PLCB4: variants seen among roughly 807,000 people sequenced by gnomAD.
The protein encoded by PLCB4 is phospholipase C beta 4.
In PLCB4, 77 loss-of-function variants were observed where a neutral mutation model predicts 178.8. The observed-to-expected ratio is 0.43, with a 90% CI of 0.36 to 0.52. The LOEUF (loss-of-function observed/expected upper bound fraction) is 0.52. Ranked by LOEUF, PLCB4 falls within the 20% of genes least tolerant of loss-of-function variation. PLCB4 has a pLI of 0.00. For missense variants in PLCB4, 1,024 were observed against 1,453.4 expected, an observed-to-expected ratio of 0.70 and a Z score of 4.80; for synonymous variants, 496 against 490.8, an observed-to-expected ratio of 1.01 and a Z score of -0.14.
rs1210869938 is a variant in PLCB4 at position 9,393,616 on chromosome 20, C to T, written c.1352C>T (p.Pro451Leu). The T allele has an allele frequency of 7.4e-6, 12 of 1,613,142 alleles. No individual in the cohort carries two copies. The highest frequency in any genetic ancestry group is 1.0e-5 in the Non-Finnish European group (12 of 1,179,352). Residue 451 changes from proline (P) to leucine (L), a missense_variant, in exon 18 of 40, where the codon CCC becomes CTC. By Grantham distance (98) the Pro-to-Leu change is moderately conservative (BLOSUM62 -3). Transcript: ENST00000378473. ...PLEPGRALPSPNDLKRKILIK... is the reference protein window; with the variant it reads ...PLEPGRALPSLNDLKRKILIK... The stretch of plus-strand genomic sequence containing the variant: ...GAACCAGGCAGGGCTTTGCCATCCC[C>T]CAATGACCTCAAAAGAAAAATACTC...
At chr20:9,234,988 G>A (rs1043328299) in intron 3 of PLCB4, among the ~76,000 whole-genome samples, 2 of 152,164 alleles carry the variant, frequency 1.3e-5, no homozygotes, top group African/African-American at 4.8e-5. Context: ...AGAGAATGAA[G>A]TGTAACCATG....
chr20:9,227,532 C>T (rs763208298), intron 3 of PLCB4, among the ~76,000 whole-genome samples: 5 of 152,080 alleles, frequency 3.3e-5, no homozygotes, highest in Non-Finnish European at 7.4e-5. Flanking sequence ...TTCATTAATT[C>T]GCATGTAGAT....
At chr20:9,463,302 C>T (rs1375273496) in intron 35 of PLCB4, among the ~76,000 whole-genome samples, 1 of 152,146 alleles carries the variant, frequency 6.6e-6, no homozygotes. Flanking sequence ...GTACCAGCCA[C>T]TGCAAAAACA....
At chr20:9,345,487 TG>T (rs2033705114) in intron 7 of PLCB4, among the ~76,000 whole-genome samples, 1 of 152,180 alleles carries the variant, frequency 6.6e-6, no homozygotes, top group Admixed American at 6.5e-5. Context: ...AAGTTACAGC[TG>T]GCACTGCACA....
chr20:9,414,482 T>G (rs1485473134), intron 25 of PLCB4, among the ~76,000 whole-genome samples: 1 of 152,234 alleles, frequency 6.6e-6, no homozygotes, highest in East Asian at 1.9e-4. Flanking sequence ...TTTTAAAAAC[T>G]GCCCCTTTGG....
intron 4 of PLCB4, among the ~76,000 whole-genome samples, chr20:9,325,603 T>C (rs2147990036): frequency 6.6e-6 from 1 of 152,292 alleles, no homozygotes; most frequent in East Asian, 1.9e-4. Flanking sequence ...TCCGGAGTGT[T>C]CAGCCATTCA....
At chr20:9,215,700 T>G (rs2093722918) in intron 2 of PLCB4, among the ~76,000 whole-genome samples, 1 of 152,240 alleles carries the variant, frequency 6.6e-6, no homozygotes, top group South Asian at 2.1e-4. Context: ...TAGGTTAAAA[T>G]CAAAGACCTT....
At chr20:9,337,799 G>GTA (rs902392072) in intron 5 of PLCB4, among the ~76,000 whole-genome samples, 97 of 150,646 alleles carry the variant, frequency 6.4e-4, no homozygotes, top group South Asian at 1.3e-3. Context: ...CTATATGTAT[G>GTA]TATATATATA....
At chr20:9,342,736 T>C (rs1960076952) in intron 7 of PLCB4, among the ~76,000 whole-genome samples, 1 of 151,762 alleles carries the variant, frequency 6.6e-6, no homozygotes, top group African/African-American at 2.4e-5. Context: ...GATCTGAGAC[T>C]AAGGACACTC....
intron 7 of PLCB4, among the ~76,000 whole-genome samples, chr20:9,361,615 A>T (rs1395223962): frequency 6.6e-6 from 1 of 152,212 alleles, no homozygotes; most frequent in Admixed American, 6.5e-5. Context: ...TTTTTCATTT[A>T]AAAATGGTGA....
At chr20:9,448,342 A>G (rs2042541843) in intron 32 of PLCB4, among the ~76,000 whole-genome samples, 1 of 152,202 alleles carries the variant, frequency 6.6e-6, no homozygotes, top group Non-Finnish European at 1.5e-5. Flanking sequence ...CCAAAGCCTT[A>G]TGTCATAAAA....
At chr20:9,188,109 G>A (rs1016307274) in intron 2 of PLCB4, among the ~76,000 whole-genome samples, 14 of 152,300 alleles carry the variant, frequency 9.2e-5, no homozygotes, top group South Asian at 4.1e-4. Flanking sequence ...CCCTGCTTTC[G>A]TGGAGCTTAC....
At chr20:9,235,776 G>A (rs894715701) in intron 3 of PLCB4, among the ~76,000 whole-genome samples, 4 of 152,190 alleles carry the variant, frequency 2.6e-5, no homozygotes, top group African/African-American at 9.7e-5. Context: ...TTATTGAAGA[G>A]GGATGAATGT....
chr20:9,160,469 G>C (rs1297856086), intron 2 of PLCB4, among the ~76,000 whole-genome samples: 1 of 152,146 alleles, frequency 6.6e-6, no homozygotes, highest in Non-Finnish European at 1.5e-5. Flanking sequence ...TTGGGCAGCT[G>C]ATGTTTTTGG....
chr20:9,247,643 C>G (rs1601420639), intron 3 of PLCB4, among the ~76,000 whole-genome samples: 1 of 152,242 alleles, frequency 6.6e-6, no homozygotes, highest in East Asian at 1.9e-4. Flanking sequence ...GAATAATTCT[C>G]TTTGATTTTT....
intron 4 of PLCB4, among the ~76,000 whole-genome samples, chr20:9,311,077 G>T (rs2094827759): frequency 4.6e-5 from 7 of 152,194 alleles, no homozygotes; most frequent in Admixed American, 4.6e-4. Context: ...AAATAGCAGT[G>T]TTTTTAAAAA....
At chr20:9,185,567 T>C (rs2093317941) in intron 2 of PLCB4, among the ~76,000 whole-genome samples, 1 of 152,170 alleles carries the variant, frequency 6.6e-6, no homozygotes, top group African/African-American at 2.4e-5. Flanking sequence ...CGTAGCCTGT[T>C]CTGCACTCAG....
intron 1 of PLCB4, among the ~76,000 whole-genome samples, chr20:9,091,822 A>AT (rs1160316613): frequency 1.1e-4 from 17 of 151,624 alleles, no homozygotes; most frequent in Middle Eastern, 3.4e-3. Flanking sequence ...ATGCTTACAG[A>AT]TTTTTTTTTC....
intron 2 of PLCB4, among the ~76,000 whole-genome samples, chr20:9,117,776 C>T (rs750522499): frequency 1.5e-4 from 23 of 152,282 alleles, no homozygotes; most frequent in South Asian, 6.2e-4. Context: ...CTCCCCCTGC[C>T]TAGAACATTC....
Sources: gnomAD v4.1 joint callset for allele counts (sites outside exome capture counted in the v4.1 genomes callset) on GRCh38, gnomAD v4.1.1 for gene constraint, MANE v1.5 for transcripts, NCBI Gene and HGNC (gene_info 2026-07-23, HGNC 2026-07-21) for gene names.